Variants in SLC7A1 observed in about 807,000 individuals in gnomAD.
The protein encoded by SLC7A1 is high affinity cationic amino acid transporter 1.
SLC7A1 carries 10 observed loss-of-function variants against 53.9 expected under a neutral mutation model. The ratio of observed to expected loss-of-function variants is 0.19; its 90% confidence interval spans 0.11 to 0.31. SLC7A1 has a LOEUF of 0.31. SLC7A1 is among the 10% of genes least tolerant of loss of function. The pLI is 1.00. For missense variants in SLC7A1, 525 were observed against 827.2 expected (o/e 0.63, Z 4.48); for synonymous variants, 342 against 338.7 (o/e 1.01, Z -0.11).
At chr13:29,571,691 A>C (rs923821579) in intron 1 of SLC7A1, among the ~76,000 whole-genome samples, 1 of 151,730 alleles carries the variant, frequency 6.6e-6, no homozygotes, top group Non-Finnish European at 1.5e-5. Flanking sequence ...AATTTCTTCC[A>C]CTCTGAACTC....
intron 2 of SLC7A1, among the ~76,000 whole-genome samples, chr13:29,549,148 A>T (rs1870060601): frequency 1.3e-5 from 2 of 152,170 alleles, no homozygotes; most frequent in Admixed American, 6.5e-5. Context: ...GCACTAAGAG[A>T]ATAGCCTCTA....
chr13:29,547,820 G>C (rs1276166147), intron 2 of SLC7A1, among the ~76,000 whole-genome samples: 2 of 152,188 alleles, frequency 1.3e-5, no homozygotes, highest in Admixed American at 6.5e-5. Flanking sequence ...GTGCATGTTT[G>C]GAAATTTCCA....
chr13:29,545,116 T>C (rs969792670), intron 2 of SLC7A1, among the ~76,000 whole-genome samples: 1 of 152,202 alleles, frequency 6.6e-6, no homozygotes, highest in African/African-American at 2.4e-5. Flanking sequence ...TGTGAGGGTC[T>C]TTCTATCAAA....
At chr13:29,550,219 G>A (rs1013919253) in intron 2 of SLC7A1, among the ~76,000 whole-genome samples, 8 of 152,078 alleles carry the variant, frequency 5.3e-5, no homozygotes, top group Non-Finnish European at 7.4e-5. Context: ...TCCTAAAGTC[G>A]GACTGGGCAC....
In SLC7A1 at chr13:29,590,252, G is replaced by T. The variant is rs115861640; in HGVS notation, c.-115+5164C>A. 4.8e-3 allele frequency among the ~76,000 whole-genome samples: 727 copies of T among 152,296 alleles called. 8 individuals are homozygous for T. The highest frequency in any genetic ancestry group is 0.017 in the African/African-American group (686 of 41,554). ...TGAGTGAGGTGGGAAACACGGCCCA[G>T]AGTTTCAGCTTTTCAGCTTTGCTTT... On this transcript the variant is annotated intron_variant, in intron 1 of 12. Coordinates refer to ENST00000380752, the MANE Select transcript of SLC7A1 (RefSeq NM_003045.5).
intron 1 of SLC7A1, among the ~76,000 whole-genome samples, chr13:29,569,088 C>T (rs12429742): frequency 0.032 from 4,850 of 152,216 alleles, 210 homozygotes; most frequent in African/African-American, 0.088. Flanking sequence ...CTCAGCTCAG[C>T]CGAGGGCACC....
rs1267964639 is a variant in SLC7A1 at position 29,512,767 on chromosome 13, G to GT, written c.*1712dup. On this transcript the variant is annotated 3_prime_UTR_variant, in exon 13 of 13. Coordinates refer to ENST00000380752, the MANE Select transcript of SLC7A1 (RefSeq NM_003045.5). ...AGATCAGAATAAAGCTCCCAGCAAGGTGAGCAGGCCTGATACGGAGGCTCA... is the reference window on the plus strand; with the variant it reads ...AGATCAGAATAAAGCTCCCAGCAAGGTTGAGCAGGCCTGATACGGAGGCTCA... The GT allele has an allele frequency of 6.8e-6, 1 of 148,020 alleles. No individual in the cohort carries two copies. Among genetic ancestry groups the GT allele is most frequent in the African/African-American group, 2.4e-5 (1 of 40,838 alleles). 9.2% of individuals were successfully genotyped at this position (148,020 alleles called of 1,614,324 possible). A position where few individuals can be genotyped will look rare whatever the true frequency, so the allele number is the denominator to read the frequency against.
At chr13:29,542,986 C>A (rs112538056) in intron 2 of SLC7A1, among the ~76,000 whole-genome samples, 1 of 152,148 alleles carries the variant, frequency 6.6e-6, no homozygotes. Context: ...GCTAGTGACA[C>A]GCTAAGGATA....
chr13:29,546,728 A>C (rs1366654859), intron 2 of SLC7A1, among the ~76,000 whole-genome samples: 2 of 152,178 alleles, frequency 1.3e-5, no homozygotes, highest in African/African-American at 4.8e-5. Flanking sequence ...TGTGAAAAAA[A>C]CTTGGAACTC....
intron 1 of SLC7A1, among the ~76,000 whole-genome samples, chr13:29,594,949 T>G (rs1276458018): frequency 2.6e-5 from 4 of 151,930 alleles, no homozygotes; most frequent in African/African-American, 9.7e-5. Context: ...CCGGACCTCG[T>G]GGCGGGGCGG....
chr13:29,572,671 G>A (rs537151), intron 1 of SLC7A1, among the ~76,000 whole-genome samples: 131,509 of 152,128 alleles, frequency 0.86, 57,854 homozygotes, highest in Middle Eastern at 0.96. Context: ...TGGCCCTACC[G>A]CTCTGGTTCC....
intron 2 of SLC7A1, among the ~76,000 whole-genome samples, chr13:29,544,194 A>G (rs1869801057): frequency 6.6e-6 from 1 of 152,248 alleles, no homozygotes; most frequent in South Asian, 2.1e-4. Flanking sequence ...AATGGTTTGC[A>G]GTCAGTAAAC....
chr13:29,585,035 CA>C (rs1446070755), intron 1 of SLC7A1, among the ~76,000 whole-genome samples: 10 of 152,212 alleles, frequency 6.6e-5, no homozygotes, highest in African/African-American at 2.4e-4. Flanking sequence ...CTGACCAGGC[CA>C]CCTTTGGGAC....
Position 29,535,835 on chromosome 13 carries a change from G to A in SLC7A1, c.354C>T (p.Ile118=). The part of the protein sequence containing the change: ...LWAFITGWNL[I]LSYIIGTSSV... ...GGGACCTACCGATGATGTAGGAGAG[G>A]ATTAAGTTCCAGCCGGTGATGAAGG... Residue 118 remains isoleucine (I), a synonymous_variant, in exon 3 of 13, where the codon ATC becomes ATT. Coordinates refer to ENST00000380752, the MANE Select transcript of SLC7A1 (RefSeq NM_003045.5). 1 of 1,614,000 alleles carries A rather than the reference G, an allele frequency of 6.2e-7. No homozygotes were observed. Among genetic ancestry groups the A allele is most frequent in the Non-Finnish European group, 8.5e-7 (1 of 1,179,884 alleles).
chr13:29,586,872 C>CT (rs1871906529), intron 1 of SLC7A1: 1 of 152,244 alleles, frequency 6.6e-6, no homozygotes, highest in African/African-American at 2.4e-5. Flanking sequence ...CAGAACAATA[C>CT]GTTTTCATTT....
rs943782190 is a variant in SLC7A1, at chr13:29,522,871, G to A, written c.1049+395C>T. ...GTTTATACAGGCTAAGAGGAAATAC[G>A]ATTGGTGAAAATGTTTCTCATTAAA... On this transcript the variant is annotated intron_variant, in intron 7 of 12. Transcript: ENST00000380752. Among the ~76,000 whole-genome samples the A allele has an allele frequency of 5.9e-5, 9 of 152,308 alleles. No homozygotes were observed. In the South Asian group the frequency reaches 8.3e-4, roughly 14 times the overall value.
chr13:29,577,194 A>C (rs1456410327), intron 1 of SLC7A1, among the ~76,000 whole-genome samples: 1 of 152,214 alleles, frequency 6.6e-6, no homozygotes. Context: ...CCTGCACCTC[A>C]GTAGCCACCT....
intron 1 of SLC7A1, among the ~76,000 whole-genome samples, chr13:29,594,518 T>C (rs928075954): frequency 6.6e-6 from 1 of 152,258 alleles, no homozygotes; most frequent in Non-Finnish European, 1.5e-5. Context: ...GTTGTAGTAC[T>C]ACAGTGCAGC....
chr13:29,529,904 C>T (rs1266199846), intron 5 of SLC7A1, among the ~76,000 whole-genome samples: 2 of 152,072 alleles, frequency 1.3e-5, no homozygotes, highest in East Asian at 3.9e-4. Context: ...GAGGGCTGGG[C>T]GAGAGACCTG....
Sources: allele counts gnomAD v4.1 joint callset (sites outside exome capture counted in the v4.1 genomes callset), GRCh38; gene constraint gnomAD v4.1.1; transcripts MANE v1.5; gene names NCBI Gene and HGNC (gene_info 2026-07-23, HGNC 2026-07-21).